EIF2AK1: variants seen among roughly 807,000 people sequenced by gnomAD.
EIF2AK1 encodes eukaryotic translation initiation factor 2 alpha kinase 1, also known as eukaryotic translation initiation factor 2-alpha kinase 1.
EIF2AK1 carries 54 observed loss-of-function variants against 77.9 expected under a neutral mutation model. The observed-to-expected ratio is 0.69, with a 90% CI of 0.56 to 0.87. EIF2AK1 has a LOEUF of 0.87. Among genes scored for constraint, EIF2AK1 ranks in the 40% least tolerant of loss-of-function variants. The pLI is 0.00. For missense variants in EIF2AK1, 810 were observed against 768.6 expected, an observed-to-expected ratio of 1.05 and a Z score of -0.64; for synonymous variants, 314 against 290.5, an observed-to-expected ratio of 1.08 and a Z score of -0.82.
chr7:6,032,083 A>G lies in EIF2AK1; in HGVS notation c.1333-3051T>C, dbSNP rs1465962940. ...CAGCTACTCGGACGGCTGAGGCAGG[A>G]GAATTGCTTGAACCCAGGAGGCAGA... On this transcript the variant is annotated intron_variant, in intron 11 of 14. Coordinates refer to ENST00000199389, the MANE Select transcript of EIF2AK1 (RefSeq NM_014413.4). This position sits in a 1 kb window ranked among gnomAD's most constrained non-coding sequence, Gnocchi z 4.3. Among the ~76,000 whole-genome samples the G allele has an allele frequency of 2.0e-5, 3 of 152,178 alleles. No individual in the cohort carries two copies. The highest frequency in any genetic ancestry group is 2.9e-5 in the Non-Finnish European group (2 of 68,038).
At position 6,032,470 on chromosome 7, in the gene EIF2AK1, C is replaced by T. The variant is rs1320367675; in HGVS notation, c.1333-3438G>A. Among the ~76,000 whole-genome samples the T allele has an allele frequency of 6.6e-6, 1 of 152,234 alleles. No individual in the cohort carries two copies. The highest frequency in any genetic ancestry group is 1.9e-4 in the East Asian group (1 of 5,202). On this transcript the variant is annotated intron_variant, in intron 11 of 14. Coordinates refer to ENST00000199389, the MANE Select transcript of EIF2AK1 (RefSeq NM_014413.4). The surrounding 1 kb of genome is among the most constrained non-coding windows in gnomAD (Gnocchi z 4.3). ...TAATACGACTTTGGCAACGACACAGCACCTACTTGTCCATCACCCTGTGGG... is the reference window on the plus strand; with the variant it reads ...TAATACGACTTTGGCAACGACACAGTACCTACTTGTCCATCACCCTGTGGG...
intron 3 of EIF2AK1, 145 bp from the exon 4 acceptor site, chr7:6,048,989 T>G (rs754799051): frequency 3.8e-4 from 221 of 581,974 alleles, no homozygotes; most frequent in Non-Finnish European, 4.4e-4. Flanking sequence ...TACTTAAGAG[T>G]TTACAACTGA....
rs1206568265 is a variant in EIF2AK1, at chr7:6,027,943, G to A, written c.1530+672C>T. On this transcript the variant is annotated intron_variant, in intron 13 of 14. Transcript: ENST00000199389. This position sits in a 1 kb window ranked among gnomAD's most constrained non-coding sequence, Gnocchi z 4.5. ...TGGGTGTGGTAGCACAACTCTTGAA[G>A]TCACAGTTACATGGGAGGCTGAGGT... The A allele has an allele frequency of 1.1e-5, 5 of 454,214 alleles. No homozygotes were observed. Among genetic ancestry groups the A allele is most frequent in the Admixed American group, 9.4e-5 (4 of 42,344 alleles). 28.1% of individuals were successfully genotyped at this position (454,214 alleles called of 1,614,324 possible).
intron 2 of EIF2AK1, among the ~76,000 whole-genome samples, chr7:6,052,637 CT>C (rs530560578): frequency 9.9e-4 from 112 of 113,220 alleles, no homozygotes; most frequent in East Asian, 1.4e-3. Flanking sequence ...TGGAACTATT[CT>C]TTTTTTTTTT....
At chr7:6,049,887 C>G (rs1305231457) in intron 3 of EIF2AK1, 25 bp downstream of exon 3, 2 of 1,586,072 alleles carry the variant, frequency 1.3e-6, no homozygotes, top group South Asian at 2.3e-5. Context: ...TTTGTCATAC[C>G]CAAAGTATAT....
At position 6,045,535 on chromosome 7, in the gene EIF2AK1, C is replaced by G. The variant is rs542917308; in HGVS notation, c.630+536G>C. Among the ~76,000 whole-genome samples, 3 of 151,974 alleles carry G rather than the reference C, an allele frequency of 2.0e-5. No individual in the cohort carries two copies. In the South Asian group the frequency reaches 6.2e-4, roughly 32 times the overall value. Reference sequence around the variant, plus strand: ...CTCTCTTTTGATTCCTACCCCAGTCCTCCAAGGTAAGTAAAATCACTACCG... The same window carrying G: ...CTCTCTTTTGATTCCTACCCCAGTCGTCCAAGGTAAGTAAAATCACTACCG... On this transcript the variant is annotated intron_variant, in intron 6 of 14. Coordinates refer to ENST00000199389, the MANE Select transcript of EIF2AK1 (RefSeq NM_014413.4).
intron 2 of EIF2AK1, among the ~76,000 whole-genome samples, chr7:6,050,745 G>GCT (rs1481720709): frequency 6.6e-6 from 1 of 151,544 alleles, no homozygotes; most frequent in Non-Finnish European, 1.5e-5. Context: ...TGCGACTATA[G>GCT]GCGCCTGCCA....
At chr7:6,034,232 G>C (rs534949835) in intron 11 of EIF2AK1, among the ~76,000 whole-genome samples, 2 of 152,016 alleles carry the variant, frequency 1.3e-5, no homozygotes, top group Non-Finnish European at 2.9e-5. Flanking sequence ...GCTTGAACCC[G>C]TGAGGCAGCA....
chr7:6,031,135 G>A (rs141476756), intron 11 of EIF2AK1, among the ~76,000 whole-genome samples: 13 of 152,326 alleles, frequency 8.5e-5, no homozygotes, highest in African/African-American at 2.9e-4. Flanking sequence ...GGTGTAAGAT[G>A]ATAGCTTGAA....
Position 6,040,897 on chromosome 7 carries a change from T to C in EIF2AK1, c.1114A>G (p.Thr372Ala), listed in dbSNP as rs1259042669. Residue 372 changes from threonine (T) to alanine (A), a missense_variant, in exon 9 of 15, where the codon ACA (threonine) becomes GCA (alanine). Transcript: ENST00000199389. The stretch of plus-strand genomic sequence containing the variant: ...GGTCTGGGAAAGTAATCTACCTCTG[T>C]CTGACCCAAAAAGTTGACATTTTCT... ...SEENVNFLGQ[T>A]EAQYHLMLHI... 3 of 1,613,822 alleles carry C rather than the reference T, an allele frequency of 1.9e-6. No homozygotes were observed. The highest frequency in any genetic ancestry group is 2.5e-6 in the Non-Finnish European group (3 of 1,179,778).
chr7:6,036,412 G>C lies in EIF2AK1; in HGVS notation c.1332+1012C>G. On this transcript the variant is annotated intron_variant, in intron 11 of 14. Coordinates refer to ENST00000199389, the MANE Select transcript of EIF2AK1 (RefSeq NM_014413.4). This position sits in a 1 kb window ranked among gnomAD's most constrained non-coding sequence, Gnocchi z 4.6. ...AATAAGACCTCCCAGTTTCACAGCA[G>C]AGGGACTTTCAGCCACTCAAACTGC... is the stretch of plus-strand genomic sequence containing the variant. The C allele has an allele frequency of 7.0e-7, 1 of 1,433,146 alleles. No homozygotes were observed. Among genetic ancestry groups the C allele is most frequent in the Non-Finnish European group, 9.1e-7 (1 of 1,094,140 alleles). The allele number at this position is 1,433,146 out of a possible 1,614,324, so 88.8% of individuals were successfully genotyped here.
intron 2 of EIF2AK1, among the ~76,000 whole-genome samples, chr7:6,052,549 A>G (rs1290223523): frequency 6.7e-6 from 1 of 149,648 alleles, no homozygotes; most frequent in Non-Finnish European, 1.5e-5. Flanking sequence ...TTTTAAGACC[A>G]CATAAAAGTA....
chr7:6,041,821 A>C (rs1449551467), intron 8 of EIF2AK1, among the ~76,000 whole-genome samples: 1 of 146,524 alleles, frequency 6.8e-6, no homozygotes, highest in East Asian at 2.1e-4. Flanking sequence ...ACCCTGGCCA[A>C]CAGAGTGAGA....
intron 1 of EIF2AK1, 72 bp downstream of exon 1, chr7:6,058,894 G>T: frequency 7.4e-7 from 1 of 1,355,946 alleles, no homozygotes; most frequent in Non-Finnish European, 9.9e-7. Flanking sequence ...AAACCTCAGG[G>T]CTGCCTTTGC....
At chr7:6,031,548 C>T in intron 11 of EIF2AK1, 1 of 1,550,788 alleles carries the variant, frequency 6.4e-7, no homozygotes. Context: ...CAGCCCATCA[C>T]CATTCTGCCC....
At chr7:6,040,031 T>C (rs17136358) in intron 9 of EIF2AK1, among the ~76,000 whole-genome samples, 9,256 of 152,274 alleles carry the variant, frequency 0.061, 312 homozygotes, top group South Asian at 0.088. Flanking sequence ...TTTTATAATC[T>C]TAACAAGACA....
chr7:6,022,902 G>A lies in EIF2AK1; in HGVS notation c.*1771C>T, dbSNP rs545001131. 7 of 184,126 alleles carry A rather than the reference G, an allele frequency of 3.8e-5. No individual in the cohort carries two copies. Among genetic ancestry groups the A allele is most frequent in the African/African-American group, 9.5e-5 (4 of 42,274 alleles). The allele number at this position is 184,126 out of a possible 1,614,324, so 11.4% of individuals were successfully genotyped here. The stretch of plus-strand genomic sequence containing the variant: ...GGTTTATGTTGATATGGAGATAAGC[G>A]AGTTCATGTCATTCATATCTTAATT... On this transcript the variant is annotated 3_prime_UTR_variant, in exon 15 of 15. Coordinates refer to ENST00000199389, the MANE Select transcript of EIF2AK1 (RefSeq NM_014413.4).
At chr7:6,049,605 G>C (rs111787936) in intron 3 of EIF2AK1, among the ~76,000 whole-genome samples, 12,843 of 150,274 alleles carry the variant, frequency 0.085, 832 homozygotes, top group African/African-American at 0.18. Context: ...TCCATCTGTG[G>C]CCTCTCCTTT....
rs767064905 is a variant in EIF2AK1, at chr7:6,023,313, G to A, written c.*1360C>T. 1.1e-5 allele frequency: 18 copies of A among 1,598,818 alleles called. No homozygotes were observed. Among genetic ancestry groups the A allele is most frequent in the South Asian group, 9.0e-5 (8 of 89,082 alleles). On this transcript the variant is annotated 3_prime_UTR_variant, in exon 15 of 15. Transcript: ENST00000199389. The stretch of plus-strand genomic sequence containing the variant: ...GTTTTTTCTTTTCAGTGCCGAAGAC[G>A]CAGATGAAATTCAGCATCCAGACGA...
Sources: gnomAD v4.1 joint callset for allele counts (sites outside exome capture counted in the v4.1 genomes callset) on GRCh38, gnomAD v4.1.1 for gene constraint, Gnocchi (gnomAD v3.1) non-coding constraint, MANE v1.5 for transcripts, NCBI Gene and HGNC (gene_info 2026-07-23, HGNC 2026-07-21) for gene names.